The following RPL3L variants were observed in gnomAD, a reference collection of about 807,000 sequenced individuals.
RPL3L encodes ribosomal protein L3 like.
Under a neutral mutation model 44.5 loss-of-function variants are expected in RPL3L, and 44 were observed. The observed-to-expected ratio is 0.99, with a 90% CI of 0.78 to 1.27. The LOEUF is 1.27. Ranked by LOEUF, RPL3L falls within the 50% of genes most tolerant of loss-of-function variation. The pLI, the probability that RPL3L is intolerant of heterozygous loss-of-function variation, is 0.00. For missense variants in RPL3L, 631 were observed against 569.1 expected, an observed-to-expected ratio of 1.11 and a Z score of -1.11; for synonymous variants, 292 against 230.7, an observed-to-expected ratio of 1.27 and a Z score of -2.41.
chr16:1,954,004 TGTA>T lies in RPL3L; in HGVS notation c.145_147del (p.Tyr49del). On this transcript the variant is annotated inframe_deletion, in exon 2 of 10. Coordinates refer to ENST00000268661, the MANE Select transcript of RPL3L (RefSeq NM_005061.3). ...CGCAGGGTGTGGGTCATGCCCGCCT[TGTA>T]GCCCAGGAAGGCCGTGAGGTGCACG... is the stretch of plus-strand genomic sequence containing the variant. 6.3e-7 allele frequency: 1 copy of T among 1,599,854 alleles called. No homozygotes were observed. The highest frequency in any genetic ancestry group is 8.5e-7 in the Non-Finnish European group (1 of 1,172,198).
At chr16:1,950,707 G>T in intron 4 of RPL3L, 137 bp downstream of exon 4, 1 of 1,388,058 alleles carries the variant, frequency 7.2e-7, no homozygotes, top group Non-Finnish European at 9.9e-7. Context: ...CGTGGCCAGC[G>T]AGGCTGGTCA....
Position 1,954,614 on chromosome 16 carries a change from C to G in RPL3L, c.3+15G>C. 1.9e-6 allele frequency: 3 copies of G among 1,549,382 alleles called. No homozygotes were observed. Among genetic ancestry groups the G allele is most frequent in the Non-Finnish European group, 2.6e-6 (3 of 1,150,034 alleles). ...AGCTCCAACCCCAGCCCACCCTCAC[C>G]CTGGTCCCACCAACCATGGTGGCCG... is the stretch of plus-strand genomic sequence containing the variant. On this transcript the variant is annotated intron_variant, in intron 1 of 9. Coordinates refer to ENST00000268661, the MANE Select transcript of RPL3L (RefSeq NM_005061.3).
rs34265469 is a variant in RPL3L, at chr16:1,946,704, G to C, written c.872C>G (p.Pro291Arg). 6 of 1,612,462 alleles carry C rather than the reference G, an allele frequency of 3.7e-6. No individual in the cohort carries two copies. The Admixed American group carries it at 1.0e-4, about 27-fold the overall frequency. ...NKKIFRIGRG[P>R]HMEDGKLVKN... ...CACCAGCTTCCCGTCCTCCATGTGC[G>C]GGCCCCTGCCGATGCGGAAGATCTG... Residue 291 changes from proline (P) to arginine (R), a missense_variant, in exon 7 of 10, where the codon CCG becomes CGG. Pro to Arg is a moderately radical substitution (Grantham distance 103). Coordinates refer to ENST00000268661, the MANE Select transcript of RPL3L (RefSeq NM_005061.3).
chr16:1,947,385 A>G lies in RPL3L; in HGVS notation c.502-5T>C. On this transcript the variant is annotated splice_region_variant and splice_polypyrimidine_tract_variant and intron_variant, in intron 4 of 9. Transcript: ENST00000268661. ...CCGGAAGGGCAGCAGTTTCATCTGC[A>G]GGACATGGCCGGAGGTCACGCCACG... The G allele has an allele frequency of 6.4e-7, 1 of 1,571,558 alleles. No individual in the cohort carries two copies. Among genetic ancestry groups the G allele is most frequent in the South Asian group, 1.1e-5 (1 of 87,196 alleles).
intron 9 of RPL3L, 108 bp downstream of exon 9, chr16:1,945,390 CT>C: frequency 8.5e-7 from 1 of 1,174,562 alleles, no homozygotes; most frequent in Non-Finnish European, 1.2e-6. Context: ...AGAGTCTCTC[CT>C]GCAGTTGAGC....
chr16:1,947,046 G>T lies in RPL3L; in HGVS notation c.741C>A (p.Gly247=), dbSNP rs1431399030. ...CGCCAATGCAGGCCACCTTGCGCAG[G>T]CCCTTATGGGTCTTCCGCGGCAGCT... is the stretch of plus-strand genomic sequence containing the variant. ...TKKLPRKTHK[G]LRKVACIGAW... Residue 247 remains glycine (G), a synonymous_variant, in exon 6 of 10, where the codon GGC becomes GGA. Coordinates refer to ENST00000268661, the MANE Select transcript of RPL3L (RefSeq NM_005061.3). 22 of 1,613,108 alleles carry T rather than the reference G, an allele frequency of 1.4e-5. No individual in the cohort carries two copies. Among genetic ancestry groups the T allele is most frequent in the Non-Finnish European group, 1.9e-5 (22 of 1,179,962 alleles).
In RPL3L at chr16:1,953,024, T is replaced by A. The variant is rs762323477; in HGVS notation, c.215A>T (p.Glu72Val). The change falls in exon 3 of 10, where the codon GAG (glutamate) becomes GTG (valine). Residue 72 changes from glutamate (E) to valine (V), a missense_variant. Physicochemically the swap from Glu to Val is moderately radical, Grantham distance 121. Transcript: ENST00000268661. ...TTCTACAATTGTCACCGCCTCCACC[T>A]CCTCCCGTTTGGAAATTTCTGGATG... is the stretch of plus-strand genomic sequence containing the variant. ...RPGLKISKRE[E>V]VEAVTIVETP... 16 of 1,598,252 alleles carry A rather than the reference T, an allele frequency of 1.0e-5. No individual in the cohort carries two copies. The highest frequency in any genetic ancestry group is 3.5e-5 in the Admixed American group (2 of 57,764).
Position 1,946,622 on chromosome 16 carries a change from C to T in RPL3L, c.951+3G>A. 1.3e-5 allele frequency: 21 copies of T among 1,611,894 alleles called. No individual in the cohort carries two copies. The highest frequency in any genetic ancestry group is 1.7e-5 in the Non-Finnish European group (20 of 1,179,300). ...CCTGGCAGTCGCCCCCTCCCAGCCT[C>T]ACCAGCGGTGTGATGGACTTGGCAG... On this transcript the variant is annotated splice_donor_region_variant and intron_variant, in intron 7 of 9. Transcript: ENST00000268661.
chr16:1,946,016 G>C, intron 7 of RPL3L, 86 bp from the exon 8 acceptor site: 1 of 1,200,902 alleles, frequency 8.3e-7, no homozygotes, highest in Non-Finnish European at 1.2e-6. Context: ...ACCCCCAGAG[G>C]GGGCAGTGAT....
chr16:1,953,165 C>T (rs1486386323), intron 2 of RPL3L, 123 bp from the exon 3 acceptor site: 14 of 1,006,222 alleles, frequency 1.4e-5, no homozygotes, highest in Non-Finnish European at 2.0e-5. Context: ...ACAGCATTCC[C>T]CAGAGGGTGG....
At chr16:1,949,703 TACGGGGCAGGTATGG>T (rs1406910421) in intron 4 of RPL3L, among the ~76,000 whole-genome samples, 6 of 131,134 alleles carry the variant, frequency 4.6e-5, no homozygotes, top group South Asian at 2.5e-4. Flanking sequence ...GGCAGGTATG[TACGGGGCAGGTATGG>T]ACGGGGCAGT....
At position 1,947,270 on chromosome 16, in the gene RPL3L, C is replaced by T; in HGVS notation, c.612G>A (p.Gln204=). The T allele has an allele frequency of 6.2e-7, 1 of 1,613,546 alleles. No homozygotes were observed. The highest frequency in any genetic ancestry group is 8.5e-7 in the Non-Finnish European group (1 of 1,179,892). ...VAWAQARLEK[Q]VPVHSVFSQS... ...GGCTGAACACGCTGTGCACGGGCAC[C>T]TGCTTCTCCAGCCGGGCCTGGGCCC... The change falls in exon 5 of 10, where the codon CAG becomes CAA. Residue 204 remains glutamine, a synonymous_variant. Transcript: ENST00000268661.
At chr16:1,950,767 T>C in intron 4 of RPL3L, 77 bp downstream of exon 4, 3 of 1,606,032 alleles carry the variant, frequency 1.9e-6, no homozygotes, top group Non-Finnish European at 2.6e-6. Context: ...AGGCTGACAT[T>C]TGCCACAGCT....
intron 3 of RPL3L, 81 bp from the exon 4 acceptor site, chr16:1,951,060 A>T: frequency 6.6e-7 from 1 of 1,521,778 alleles, no homozygotes; most frequent in Non-Finnish European, 8.8e-7. Context: ...CCTCACCCCC[A>T]GCCCACCAAG....
At chr16:1,949,677 G>GGGCAGGTATGTATGA (rs1255712485) in intron 4 of RPL3L, among the ~76,000 whole-genome samples, 2 of 148,464 alleles carry the variant, frequency 1.3e-5, no homozygotes, top group South Asian at 4.4e-4. Context: ...GGTATGTATG[G>GGGCAGGTATGTATGA]GGCAGGTATG....
Position 1,944,796 on chromosome 16 carries a change from G to T in RPL3L, c.*41C>A. ...CCGGCCTTTGTTAGACATTGGGGCA[G>T]ACAGTGCGGTGCGCTTCAGGGTTCA... On this transcript the variant is annotated 3_prime_UTR_variant, in exon 10 of 10. Transcript: ENST00000268661. 6.2e-7 allele frequency: 1 copy of T among 1,613,238 alleles called. No individual in the cohort carries two copies. The highest frequency in any genetic ancestry group is 8.5e-7 in the Non-Finnish European group (1 of 1,179,340).
intron 3 of RPL3L, 116 bp from the exon 4 acceptor site, chr16:1,951,095 C>T: frequency 1.4e-6 from 2 of 1,388,014 alleles, no homozygotes; most frequent in Admixed American, 2.4e-5. Context: ...CTGGGACCGC[C>T]CCCCACCCGG....
chr16:1,946,504 C>T lies in RPL3L; in HGVS notation c.951+121G>A, dbSNP rs546695880. On this transcript the variant is annotated intron_variant, in intron 7 of 9. Coordinates refer to ENST00000268661, the MANE Select transcript of RPL3L (RefSeq NM_005061.3). ...AATCTTGAGCCCTTGGGGCAGGGAGCGTCCAGCTGAGGCTGGGGCATGCCC... is the reference window on the plus strand; with the variant it reads ...AATCTTGAGCCCTTGGGGCAGGGAGTGTCCAGCTGAGGCTGGGGCATGCCC... 7.0e-5 allele frequency: 70 copies of T among 1,006,906 alleles called. 1 individual carries two copies. In the East Asian group the frequency reaches 1.3e-3, roughly 18 times the overall value. The allele number at this position is 1,006,906 out of a possible 1,614,324, so 62.4% of individuals were successfully genotyped here. A position where few individuals can be genotyped will look rare whatever the true frequency, so the allele number is the denominator to read the frequency against.
In RPL3L at chr16:1,950,908, AGCT is replaced by A. The variant is rs1447258728; in HGVS notation, c.434_436del (p.Gln145del). The stretch of plus-strand genomic sequence containing the variant: ...CTTCATGGCGGCGAAGTCCTTCTGT[AGCT>A]GCTTTTTCCCGTCTGTGTCCCGCCA... On this transcript the variant is annotated inframe_deletion, in exon 4 of 10. Transcript: ENST00000268661. 2 of 1,613,916 alleles carry A rather than the reference AGCT, an allele frequency of 1.2e-6. No individual in the cohort carries two copies. The highest frequency in any genetic ancestry group is 2.7e-5 in the African/African-American group (2 of 74,882).
Sources: allele counts gnomAD v4.1 joint callset (sites outside exome capture counted in the v4.1 genomes callset), GRCh38; gene constraint gnomAD v4.1.1; transcripts MANE v1.5; gene names NCBI Gene and HGNC (gene_info 2026-07-23, HGNC 2026-07-21).